The following NLGN1 variants were observed in gnomAD, a reference collection of about 807,000 sequenced individuals.
NLGN1 encodes neuroligin 1.
NLGN1 carries 12 observed loss-of-function variants against 65.5 expected under a neutral mutation model. That is an observed-to-expected ratio of 0.18 (90% CI 0.12 to 0.30). The LOEUF (loss-of-function observed/expected upper bound fraction) is 0.30, where lower values mean the gene tolerates loss of function less well. Ranked by LOEUF, NLGN1 falls within the 10% of genes least tolerant of loss-of-function variation. NLGN1 has a pLI of 1.00. For synonymous variants in NLGN1, 350 were observed against 359.5 expected, an observed-to-expected ratio of 0.97 and a Z score of 0.30; for missense variants, 750 against 1,007.1, an observed-to-expected ratio of 0.74 and a Z score of 3.46.
chr3:173,842,984 G>A (rs1725063321), intron 4 of NLGN1, among the ~76,000 whole-genome samples: 1 of 152,200 alleles, frequency 6.6e-6, no homozygotes, highest in Non-Finnish European at 1.5e-5. Flanking sequence ...TTTTGCCTGG[G>A]CATCCAGGCG....
intron 4 of NLGN1, among the ~76,000 whole-genome samples, chr3:173,893,137 C>A (rs1480606783): frequency 6.6e-6 from 1 of 152,118 alleles, no homozygotes; most frequent in East Asian, 1.9e-4. Context: ...CCCAGCATAT[C>A]TCAAATTGAA....
intron 4 of NLGN1, among the ~76,000 whole-genome samples, chr3:173,980,740 A>G (rs762673592): frequency 6.1e-4 from 93 of 152,094 alleles, no homozygotes; most frequent in Non-Finnish European, 2.4e-4. Context: ...TTTAATATAT[A>G]TAGAACAGCA....
chr3:173,517,488 A>G (rs1733992905), intron 2 of NLGN1, among the ~76,000 whole-genome samples: 2 of 152,054 alleles, frequency 1.3e-5, no homozygotes, highest in Admixed American at 6.6e-5. Flanking sequence ...TGATAAAATT[A>G]TTTATTCAAA....
At chr3:173,932,202 T>C (rs934658740) in intron 4 of NLGN1, among the ~76,000 whole-genome samples, 5 of 152,124 alleles carry the variant, frequency 3.3e-5, no homozygotes, top group African/African-American at 4.8e-5. Flanking sequence ...TTTTCAGTTA[T>C]TTGTAATCAG....
chr3:173,850,667 C>T (rs1229209204), intron 4 of NLGN1, among the ~76,000 whole-genome samples: 1 of 152,064 alleles, frequency 6.6e-6, no homozygotes, highest in Non-Finnish European at 1.5e-5. Flanking sequence ...CCACATTTAA[C>T]TAATTTTTTA....
At chr3:173,919,954 T>C (rs1741625220) in intron 4 of NLGN1, among the ~76,000 whole-genome samples, 1 of 152,132 alleles carries the variant, frequency 6.6e-6, no homozygotes, top group Non-Finnish European at 1.5e-5. Context: ...TTGTACTTAA[T>C]TTAATCAAAG....
intron 3 of NLGN1, among the ~76,000 whole-genome samples, chr3:173,670,395 G>A (rs1490583104): frequency 6.6e-6 from 1 of 152,078 alleles, no homozygotes; most frequent in Non-Finnish European, 1.5e-5. Flanking sequence ...GTTTACAGGA[G>A]GATTATGAAG....
intron 4 of NLGN1, among the ~76,000 whole-genome samples, chr3:173,813,772 T>C (rs1298574231): frequency 6.6e-6 from 1 of 152,202 alleles, no homozygotes; most frequent in East Asian, 1.9e-4. Context: ...ATTTCATAAT[T>C]ATCATAATCA....
intron 4 of NLGN1, among the ~76,000 whole-genome samples, chr3:173,855,675 C>T (rs1303931164): frequency 6.6e-6 from 1 of 152,104 alleles, no homozygotes; most frequent in African/African-American, 2.4e-5. Context: ...ACAGTTCCAC[C>T]AAACGTCTAT....
Position 174,279,949 on chromosome 3 carries a change from T to C in NLGN1, c.1649+299T>C, listed in dbSNP as rs531754287. ...TTGTTCAGCAGTAATAAATATTATT[T>C]TATAGTGCTTTGTCATTCACAACAC... On this transcript the variant is annotated intron_variant, in intron 6 of 6. Transcript: ENST00000457714. This position sits in a 1 kb window ranked among gnomAD's most constrained non-coding sequence, Gnocchi z 4.7. Among the ~76,000 whole-genome samples, 3 of 152,080 alleles carry C rather than the reference T, an allele frequency of 2.0e-5. No individual in the cohort carries two copies. In the South Asian group the frequency reaches 6.2e-4, roughly 31 times the overall value.
intron 3 of NLGN1, among the ~76,000 whole-genome samples, chr3:173,624,304 C>A (rs1754484517): frequency 6.6e-6 from 1 of 152,226 alleles, no homozygotes; most frequent in East Asian, 1.9e-4. Flanking sequence ...GCACTTTCTG[C>A]CTACTTCACT....
intron 3 of NLGN1, among the ~76,000 whole-genome samples, chr3:173,702,394 A>G (rs1279202509): frequency 3.8e-5 from 5 of 130,550 alleles, no homozygotes; most frequent in Non-Finnish European, 8.0e-5. Flanking sequence ...GTAGTGAATC[A>G]ATGAGACATG....
intron 3 of NLGN1, among the ~76,000 whole-genome samples, chr3:173,754,924 A>G (rs541570586): frequency 3.3e-5 from 5 of 152,186 alleles, no homozygotes; most frequent in East Asian, 3.9e-4. Flanking sequence ...GTCACCTTCA[A>G]TCACTCATCA....
intron 2 of NLGN1, among the ~76,000 whole-genome samples, chr3:173,535,930 C>T (rs762827363): frequency 6.6e-6 from 1 of 152,208 alleles, no homozygotes; most frequent in African/African-American, 2.4e-5. Flanking sequence ...GTCTCACTGT[C>T]TGAGACATAT....
chr3:173,971,997 A>G (rs1166862200), intron 4 of NLGN1, among the ~76,000 whole-genome samples: 1 of 152,042 alleles, frequency 6.6e-6, no homozygotes, highest in Non-Finnish European at 1.5e-5. Flanking sequence ...AACTCACAGC[A>G]TGGGAGGTCA....
At chr3:173,447,074 A>G (rs1165423987) in intron 2 of NLGN1, among the ~76,000 whole-genome samples, 1 of 151,762 alleles carries the variant, frequency 6.6e-6, no homozygotes, top group Admixed American at 6.6e-5. Context: ...TTGAATTAGA[A>G]CCCATTTGTC....
intron 4 of NLGN1, among the ~76,000 whole-genome samples, chr3:174,206,009 T>C (rs1245645416): frequency 6.6e-6 from 1 of 152,210 alleles, no homozygotes; most frequent in Non-Finnish European, 1.5e-5. Context: ...GACATGAAAA[T>C]TATGTGATTA....
chr3:173,574,409 T>A (rs556133478), intron 2 of NLGN1, among the ~76,000 whole-genome samples: 2 of 152,048 alleles, frequency 1.3e-5, no homozygotes, highest in South Asian at 2.1e-4. Context: ...AAATAGATGT[T>A]AAACTTTGAC....
At chr3:173,748,045 C>A (rs1375227082) in intron 3 of NLGN1, among the ~76,000 whole-genome samples, 1 of 151,634 alleles carries the variant, frequency 6.6e-6, no homozygotes, top group South Asian at 2.1e-4. Context: ...AGTGATCTGC[C>A]CATCTCTACC....
Sources: gnomAD v4.1 joint callset for allele counts (sites outside exome capture counted in the v4.1 genomes callset) on GRCh38, gnomAD v4.1.1 for gene constraint, Gnocchi (gnomAD v3.1) non-coding constraint, MANE v1.5 for transcripts, NCBI Gene and HGNC (gene_info 2026-07-23, HGNC 2026-07-21) for gene names.